The following FBLN5 variants were observed in gnomAD, a reference collection of about 807,000 sequenced individuals.
The protein encoded by FBLN5 is fibulin-5.
Under a neutral mutation model 61.6 loss-of-function variants are expected in FBLN5, and 24 were observed. That is an observed-to-expected ratio of 0.39 (90% CI 0.28 to 0.55). The LOEUF (loss-of-function observed/expected upper bound fraction) is 0.55. FBLN5 is among the 20% of genes least tolerant of loss of function. The pLI is 0.65. For synonymous variants in FBLN5, 213 were observed against 219.8 expected (o/e 0.97, Z 0.27); for missense variants, 470 against 594.1 (o/e 0.79, Z 2.17).
At chr14:91,885,344 C>G (rs912826957) in intron 7 of FBLN5, among the ~76,000 whole-genome samples, 1 of 152,214 alleles carries the variant, frequency 6.6e-6, no homozygotes. Flanking sequence ...AAGTCTCTTA[C>G]ACCTACACTT....
intron 10 of FBLN5, among the ~76,000 whole-genome samples, chr14:91,872,471 G>A (rs992795848): frequency 6.6e-6 from 1 of 152,118 alleles, no homozygotes; most frequent in African/African-American, 2.4e-5. Context: ...AACAGTCTCT[G>A]CAAAATAAAG....
At chr14:91,876,721 G>C (rs147152852) in intron 10 of FBLN5, among the ~76,000 whole-genome samples, 1 of 152,322 alleles carries the variant, frequency 6.6e-6, no homozygotes, top group African/African-American at 2.4e-5. Context: ...AGCCTCCAGA[G>C]GGAGCACAGC....
Position 91,881,134 on chromosome 14 carries a change from C to T in FBLN5, c.989+158G>A, listed in dbSNP as rs77483000. On this transcript the variant is annotated intron_variant, in intron 9 of 10. Coordinates refer to ENST00000342058, the MANE Select transcript of FBLN5 (RefSeq NM_006329.4). ...CTGTTCTATTCTACACACACACACACACACACACACACACACACACGCATG... is the reference window on the plus strand; with the variant it reads ...CTGTTCTATTCTACACACACACACATACACACACACACACACACACGCATG... Among the ~76,000 whole-genome samples, 3 of 150,972 alleles carry T rather than the reference C, an allele frequency of 2.0e-5. No individual in the cohort carries two copies. Among genetic ancestry groups the T allele is most frequent in the South Asian group, 2.1e-4 (1 of 4,796 alleles).
At chr14:91,895,668 T>A (rs577271105) in intron 4 of FBLN5, among the ~76,000 whole-genome samples, 4 of 151,668 alleles carry the variant, frequency 2.6e-5, no homozygotes, top group Non-Finnish European at 5.9e-5. Context: ...CCTGGTGGCA[T>A]GCGCCTGTAG....
intron 2 of FBLN5, 111 bp from the exon 3 acceptor site, chr14:91,940,727 A>T: frequency 1.2e-6 from 1 of 812,070 alleles, no homozygotes; most frequent in Non-Finnish European, 2.1e-6. Flanking sequence ...GGCCTCCAAA[A>T]TACCAATACC....
chr14:91,909,802 A>G (rs928036318), intron 4 of FBLN5, among the ~76,000 whole-genome samples: 1 of 152,234 alleles, frequency 6.6e-6, no homozygotes, highest in Non-Finnish European at 1.5e-5. Flanking sequence ...GTGTTCAGTT[A>G]TAGCAACACC....
intron 7 of FBLN5, among the ~76,000 whole-genome samples, chr14:91,883,721 G>A (rs768680386): frequency 8.1e-5 from 12 of 148,046 alleles, no homozygotes; most frequent in South Asian, 2.1e-4. Flanking sequence ...AGAAAACTCC[G>A]GAGTGGTGAG....
chr14:91,926,067 G>A (rs950038797), intron 4 of FBLN5, among the ~76,000 whole-genome samples: 1 of 152,134 alleles, frequency 6.6e-6, no homozygotes, highest in Non-Finnish European at 1.5e-5. Context: ...ATCACTCCAC[G>A]AGAGCCTCAC....
intron 4 of FBLN5, among the ~76,000 whole-genome samples, chr14:91,907,580 A>T (rs913219086): frequency 6.6e-6 from 1 of 152,102 alleles, no homozygotes; most frequent in East Asian, 1.9e-4. Context: ...AACACGTAGG[A>T]GTGCACAGTG....
At chr14:91,888,822 C>T (rs1157260021) in intron 6 of FBLN5, among the ~76,000 whole-genome samples, 2 of 152,072 alleles carry the variant, frequency 1.3e-5, no homozygotes, top group African/African-American at 2.4e-5. Context: ...AGGGAAGAGT[C>T]TCTTTCCCAC....
intron 7 of FBLN5, among the ~76,000 whole-genome samples, 169 bp from the exon 8 acceptor site, chr14:91,883,245 C>T (rs1889561122): frequency 6.6e-6 from 1 of 152,250 alleles, no homozygotes; most frequent in African/African-American, 2.4e-5. Flanking sequence ...GAGCTCACTA[C>T]CTACTGAGGA....
chr14:91,944,015 T>C (rs555175234), intron 1 of FBLN5, among the ~76,000 whole-genome samples: 5 of 152,190 alleles, frequency 3.3e-5, no homozygotes, highest in African/African-American at 1.2e-4. Flanking sequence ...AGTAAGATTG[T>C]GGCCAGCAAG....
intron 4 of FBLN5, among the ~76,000 whole-genome samples, chr14:91,922,452 G>A (rs1053906128): frequency 2.6e-5 from 4 of 152,148 alleles, no homozygotes; most frequent in Non-Finnish European, 5.9e-5. Flanking sequence ...GGAAAAGCGA[G>A]AAGCAGTGTT....
chr14:91,947,380 C>T lies in FBLN5; in HGVS notation c.-151G>A. ...GGCCGAGCGAGTCGTGGAGAGGACA[C>T]GGGGAGAGCGCCGGGGTCCTCCCAG... On this transcript the variant is annotated 5_prime_UTR_variant, in exon 1 of 11. The change creates a new upstream start codon in the 5' untranslated region. Transcript: ENST00000342058. This position sits in a 1 kb window ranked among gnomAD's most constrained non-coding sequence, Gnocchi z 4.3. 1.2e-6 allele frequency: 1 copy of T among 843,966 alleles called. No homozygotes were observed. The highest frequency in any genetic ancestry group is 2.0e-6 in the Non-Finnish European group (1 of 506,058). The allele number at this position is 843,966 out of a possible 1,614,324, so 52.3% of individuals were successfully genotyped here. A position where few individuals can be genotyped will look rare whatever the true frequency, so the allele number is the denominator to read the frequency against.
At chr14:91,917,818 C>T (rs181636610) in intron 4 of FBLN5, among the ~76,000 whole-genome samples, 6 of 152,242 alleles carry the variant, frequency 3.9e-5, no homozygotes, top group African/African-American at 1.4e-4. Flanking sequence ...GAATGTATTT[C>T]ACTTTAAAAG....
At chr14:91,891,047 G>A (rs961693418) in intron 6 of FBLN5, among the ~76,000 whole-genome samples, 174 bp downstream of exon 6, 9 of 152,316 alleles carry the variant, frequency 5.9e-5, no homozygotes, top group Middle Eastern at 3.4e-3. Flanking sequence ...GAGATGCTTC[G>A]CATAGCAAGG....
Position 91,919,391 on chromosome 14 carries a change from A to G in FBLN5, c.379+17556T>C, listed in dbSNP as rs545690045. 3.7e-5 allele frequency among the ~76,000 whole-genome samples: 3 copies of G among 81,908 alleles called. No homozygotes were observed. In the East Asian group the frequency reaches 1.0e-3, roughly 28 times the overall value. The allele number at this position is 81,908 out of a possible 152,430, so 53.7% of individuals were successfully genotyped here. Reference sequence around the variant, plus strand: ...GAAAAGAAAAGAAAAGAAAGAAAGAAAGGAAGGAAGGAAGGAAGGAAGGAA... The same window carrying G: ...GAAAAGAAAAGAAAAGAAAGAAAGAGAGGAAGGAAGGAAGGAAGGAAGGAA... On this transcript the variant is annotated intron_variant, in intron 4 of 10. Coordinates refer to ENST00000342058, the MANE Select transcript of FBLN5 (RefSeq NM_006329.4).
intron 4 of FBLN5, among the ~76,000 whole-genome samples, chr14:91,922,260 T>C (rs1347337728): frequency 6.6e-6 from 1 of 151,314 alleles, no homozygotes; most frequent in African/African-American, 2.4e-5. Flanking sequence ...ACCACTGCAC[T>C]CCAGCCTGGG....
At chr14:91,929,599 C>T (rs1448397790) in intron 4 of FBLN5, among the ~76,000 whole-genome samples, 1 of 152,250 alleles carries the variant, frequency 6.6e-6, no homozygotes, top group Non-Finnish European at 1.5e-5. Context: ...ACCATGCTAC[C>T]TCAATCTAGG....
Sources: gnomAD v4.1 joint callset for allele counts (sites outside exome capture counted in the v4.1 genomes callset) on GRCh38, gnomAD v4.1.1 for gene constraint, Gnocchi (gnomAD v3.1) non-coding constraint, MANE v1.5 for transcripts, NCBI Gene and HGNC (gene_info 2026-07-23, HGNC 2026-07-21) for gene names.